Variants in HINFP observed in about 807,000 individuals in gnomAD.
HINFP encodes histone H4 transcription factor.
HINFP carries 20 observed loss-of-function variants against 50.1 expected under a neutral mutation model. That is an observed-to-expected ratio of 0.40 (90% CI 0.28 to 0.58). HINFP has a LOEUF of 0.58. HINFP is among the 20% of genes least tolerant of loss of function. The probability of loss-of-function intolerance (pLI) is 0.45; values close to 1 mark genes in which losing one functional copy is unlikely to be tolerated. For missense variants in HINFP, 505 were observed against 664.1 expected, an observed-to-expected ratio of 0.76 and a Z score of 2.63; for synonymous variants, 247 against 243.7, an observed-to-expected ratio of 1.01 and a Z score of -0.13.
In HINFP at chr11:119,134,556, G is replaced by T; in HGVS notation, c.*58G>T. On this transcript the variant is annotated 3_prime_UTR_variant, in exon 10 of 10. Transcript: ENST00000350777. The surrounding 1 kb of genome is among the most constrained non-coding windows in gnomAD (Gnocchi z 4.3). ...TCCTGAAGTTTGAGCCAGGCAAGTG[G>T]CAGTGCCCCTAGTGGGCAGCCGTTG... 1 of 1,401,138 alleles carries T rather than the reference G, an allele frequency of 7.1e-7. No individual in the cohort carries two copies. Among genetic ancestry groups the T allele is most frequent in the Non-Finnish European group, 9.6e-7 (1 of 1,040,470 alleles). 86.8% of individuals were successfully genotyped at this position (1,401,138 alleles called of 1,614,324 possible).
intron 9 of HINFP, 179 bp from the exon 10 acceptor site, chr11:119,133,905 C>G: frequency 1.3e-6 from 1 of 742,786 alleles, no homozygotes; most frequent in South Asian, 1.9e-5. Flanking sequence ...GAGTAATGAT[C>G]TTTCCCTCTT....
Position 119,131,974 on chromosome 11 carries a change from C to T in HINFP, c.668C>T (p.Ser223Leu), listed in dbSNP as rs772161747. ...TTAGATCACATCCGTCGCCAGACCTCATTGGATCGTAAGTAGTCAGAGGAA... is the reference window on the plus strand; with the variant it reads ...TTAGATCACATCCGTCGCCAGACCTTATTGGATCGTAAGTAGTCAGAGGAA... ...KFLDHIRRQT[S>L]LDQQHFQCSH... is the part of the protein sequence containing the mutation. The change falls in exon 5 of 10, where the codon TCA becomes TTA. Residue 223 changes from serine (S) to leucine (L), a missense_variant. Coordinates refer to ENST00000350777, the MANE Select transcript of HINFP (RefSeq NM_198971.3). The surrounding 1 kb of genome is among the most constrained non-coding windows in gnomAD (Gnocchi z 4.2). 128 of 1,614,080 alleles carry T rather than the reference C, an allele frequency of 7.9e-5. 6 individuals carry two copies. The South Asian group carries it at 1.3e-3, about 17-fold the overall frequency.
At chr11:119,132,446 C>T (rs752855227) in intron 5 of HINFP, 50 bp from the exon 6 acceptor site, 1 of 1,591,156 alleles carries the variant, frequency 6.3e-7, no homozygotes, top group Admixed American at 1.7e-5. Flanking sequence ...CTTTCTGTGC[C>T]TCTCCACTAT....
At position 119,125,825 on chromosome 11, in the gene HINFP, C is replaced by T. The variant is rs1481469545; in HGVS notation, c.-10-1110C>T. 4.6e-5 allele frequency: 7 copies of T among 152,112 alleles called. No individual in the cohort carries two copies. In the South Asian group the frequency reaches 8.3e-4, roughly 18 times the overall value. The allele number at this position is 152,112 out of a possible 1,614,324, so 9.4% of individuals were successfully genotyped here. On this transcript the variant is annotated intron_variant, in intron 1 of 9. Transcript: ENST00000350777. Reference sequence around the variant, plus strand: ...GTATTAGCAGAGTGGTGGAGTAAACCGTTGGATAGGTTAGGTAAAGGCAGA... The same window carrying T: ...GTATTAGCAGAGTGGTGGAGTAAACTGTTGGATAGGTTAGGTAAAGGCAGA...
chr11:119,132,578 G>A lies in HINFP; in HGVS notation c.754+5G>A. 6 of 1,614,084 alleles carry A rather than the reference G, an allele frequency of 3.7e-6. No homozygotes were observed. The highest frequency in any genetic ancestry group is 4.2e-6 in the Non-Finnish European group (5 of 1,180,018). On this transcript the variant is annotated splice_donor_5th_base_variant and intron_variant, in intron 6 of 9. Transcript: ENST00000350777. ...GGGACCACATGCGCAACCATGGTGA[G>A]TGGCCTGCGGCCCACAGCCTCCCTC...
In HINFP at chr11:119,135,477, A is replaced by C. The variant is rs958269047; in HGVS notation, c.*979A>C. On this transcript the variant is annotated 3_prime_UTR_variant, in exon 10 of 10. Coordinates refer to ENST00000350777, the MANE Select transcript of HINFP (RefSeq NM_198971.3). Reference sequence around the variant, plus strand: ...GGGAAGGGAGGCAATCAAGTGGTCCAGGAACCAAACTAGAAAATTGTGTGT... The same window carrying C: ...GGGAAGGGAGGCAATCAAGTGGTCCCGGAACCAAACTAGAAAATTGTGTGT... The C allele has an allele frequency of 5.9e-5, 9 of 152,214 alleles. No individual in the cohort carries two copies. The highest frequency in any genetic ancestry group is 1.0e-4 in the Non-Finnish European group (7 of 68,038). 9.4% of individuals were successfully genotyped at this position (152,214 alleles called of 1,614,324 possible).
intron 1 of HINFP, chr11:119,125,535 GAT>G (rs1182374885): frequency 6.6e-6 from 1 of 152,164 alleles, no homozygotes; most frequent in Non-Finnish European, 1.5e-5. Context: ...AAATTAGACA[GAT>G]GTGGTGGCGC....
chr11:119,135,353 C>T lies in HINFP; in HGVS notation c.*855C>T, dbSNP rs1316849051. ...GATAGGGCAGCTGACCATGGCCTCA[C>T]TCTGAATACTGATTAGAACCCAGTG... On this transcript the variant is annotated 3_prime_UTR_variant, in exon 10 of 10. Transcript: ENST00000350777. The T allele has an allele frequency of 2.6e-5, 4 of 152,170 alleles. No individual in the cohort carries two copies. The highest frequency in any genetic ancestry group is 9.7e-5 in the African/African-American group (4 of 41,404). The allele number at this position is 152,170 out of a possible 1,614,324, so 9.4% of individuals were successfully genotyped here.
At position 119,135,002 on chromosome 11, in the gene HINFP, A is replaced by G. The variant is rs1376501638; in HGVS notation, c.*504A>G. On this transcript the variant is annotated 3_prime_UTR_variant, in exon 10 of 10. Transcript: ENST00000350777. Reference sequence around the variant, plus strand: ...CTCAGGGACAGGATTGGAGGCATTGAGCGTGTTTATTAACAAATTGTTTTT... The same window carrying G: ...CTCAGGGACAGGATTGGAGGCATTGGGCGTGTTTATTAACAAATTGTTTTT... The G allele has an allele frequency of 6.5e-6, 1 of 153,630 alleles. No individual in the cohort carries two copies. The highest frequency in any genetic ancestry group is 1.5e-5 in the Non-Finnish European group (1 of 68,774). 9.5% of individuals were successfully genotyped at this position (153,630 alleles called of 1,614,324 possible).
chr11:119,127,010 C>T lies in HINFP; in HGVS notation c.66C>T (p.Cys22=), dbSNP rs1304751310. The change falls in exon 2 of 10, where the codon TGC becomes TGT. Residue 22 remains cysteine, a synonymous_variant. Transcript: ENST00000350777. ...NLWLQCEWGS[C]SFVCSTMEKF... is the part of the protein sequence containing the mutation. ...GGCTACAGTGTGAGTGGGGGTCCTGCTCCTTTGTGTGCTCAACCATGGAAA... is the reference window on the plus strand; with the variant it reads ...GGCTACAGTGTGAGTGGGGGTCCTGTTCCTTTGTGTGCTCAACCATGGAAA... 1 of 1,614,164 alleles carries T rather than the reference C, an allele frequency of 6.2e-7. No homozygotes were observed. Among genetic ancestry groups the T allele is most frequent in the South Asian group, 1.1e-5 (1 of 91,074 alleles).
At chr11:119,122,839 T>C (rs2508950) in intron 1 of HINFP, among the ~76,000 whole-genome samples, 97,433 of 151,910 alleles carry the variant, frequency 0.64, 32,529 homozygotes, top group African/African-American at 0.81. Flanking sequence ...GTTGCATAGG[T>C]AGGCCTGTCG....
chr11:119,131,871 C>T lies in HINFP; in HGVS notation c.565C>T (p.His189Tyr). 6.2e-7 allele frequency: 1 copy of T among 1,614,212 alleles called. No homozygotes were observed. Among genetic ancestry groups the T allele is most frequent in the Non-Finnish European group, 8.5e-7 (1 of 1,180,040 alleles). Residue 189 changes from histidine (H) to tyrosine (Y), a missense_variant, in exon 5 of 10, where the codon CAC (histidine) becomes TAC (tyrosine). Transcript: ENST00000350777. The surrounding 1 kb of genome is among the most constrained non-coding windows in gnomAD (Gnocchi z 4.2). The part of the protein sequence containing the change: ...TFKDRSKLRE[H>Y]LRSHTQEKVV... The stretch of plus-strand genomic sequence containing the variant: ...CAAGGACCGCAGTAAACTTCGAGAG[C>T]ACCTCCGCAGCCATACCCAGGAGAA...
intron 1 of HINFP, chr11:119,125,019 T>TTGTGTGTG (rs201448204): frequency 8.3e-6 from 1 of 121,052 alleles, no homozygotes; most frequent in Admixed American, 9.8e-5. Context: ...AGTTTTTTGT[T>TTGTGTGTG]TGTGTGTGTG....
chr11:119,129,791 T>G (rs1947652289), intron 2 of HINFP: 1 of 152,198 alleles, frequency 6.6e-6, no homozygotes, highest in Non-Finnish European at 1.5e-5. Flanking sequence ...TTCACTGAAC[T>G]GATTTCCTAA....
At chr11:119,132,358 A>G in intron 5 of HINFP, 138 bp from the exon 6 acceptor site, 1 of 757,152 alleles carries the variant, frequency 1.3e-6, no homozygotes, top group East Asian at 2.6e-5. Flanking sequence ...TTTCCATGAT[A>G]CTGTGTCCAT....
chr11:119,132,352 CATG>C (rs1305200731), intron 5 of HINFP, 141 bp from the exon 6 acceptor site: 1 of 733,048 alleles, frequency 1.4e-6, no homozygotes, highest in Non-Finnish European at 2.2e-6. Flanking sequence ...ATGCTCTTTC[CATG>C]ATACTGTGTC....
intron 9 of HINFP, chr11:119,133,580 AAAAT>A (rs10529766): frequency 1.3e-4 from 25 of 185,500 alleles, no homozygotes; most frequent in East Asian, 4.8e-4. Context: ...CTCCATCTCA[AAAAT>A]AAATAAATAA....
rs1242881252 is a variant in HINFP, at chr11:119,134,896, CA to C, written c.*399del. 1 of 165,068 alleles carries C rather than the reference CA, an allele frequency of 6.1e-6. No individual in the cohort carries two copies. Among genetic ancestry groups the C allele is most frequent in the African/African-American group, 2.4e-5 (1 of 41,866 alleles). The allele number at this position is 165,068 out of a possible 1,614,324, so 10.2% of individuals were successfully genotyped here. A position where few individuals can be genotyped will look rare whatever the true frequency, so the allele number is the denominator to read the frequency against. On this transcript the variant is annotated 3_prime_UTR_variant, in exon 10 of 10. Coordinates refer to ENST00000350777, the MANE Select transcript of HINFP (RefSeq NM_198971.3). This position sits in a 1 kb window ranked among gnomAD's most constrained non-coding sequence, Gnocchi z 4.3. The stretch of plus-strand genomic sequence containing the variant: ...GTCCCTGCAAGGGTCCTTTCTTTGT[CA>C]CCAGCCAAGGCATTGATAACCAAGT...
chr11:119,128,688 ATTATTATTATTAT>A (rs1389264000), intron 2 of HINFP, among the ~76,000 whole-genome samples: 3 of 151,780 alleles, frequency 2.0e-5, no homozygotes, highest in Non-Finnish European at 4.4e-5. Flanking sequence ...GATAGGCACT[ATTATTATTATTAT>A]TTATTATTAT....
Sources: gnomAD v4.1 joint callset for allele counts (sites outside exome capture counted in the v4.1 genomes callset) on GRCh38, gnomAD v4.1.1 for gene constraint, Gnocchi (gnomAD v3.1) non-coding constraint, MANE v1.5 for transcripts, NCBI Gene and HGNC (gene_info 2026-07-23, HGNC 2026-07-21) for gene names.